Variants in ANKS1B observed in about 807,000 individuals in gnomAD.
The protein encoded by ANKS1B is ankyrin repeat and sterile alpha motif domain containing 1B.
A neutral mutation model predicts 148.3 loss-of-function variants in ANKS1B; 36 were observed. That is an observed-to-expected ratio of 0.24 (90% CI 0.19 to 0.32). The LOEUF is 0.32. ANKS1B is among the 10% of genes least tolerant of loss of function. ANKS1B has a pLI of 1.00. For missense variants in ANKS1B, 1,157 were observed against 1,542.6 expected (o/e 0.75, Z 4.19); for synonymous variants, 542 against 560.8 (o/e 0.97, Z 0.47).
intron 1 of ANKS1B, among the ~76,000 whole-genome samples, chr12:99,967,168 AT>A (rs2095494437): frequency 6.6e-6 from 1 of 152,164 alleles, no homozygotes; most frequent in African/African-American, 2.4e-5. Flanking sequence ...GAATATCTAA[AT>A]TATTTATTGC....
At chr12:99,145,590 T>C (rs1381273407) in intron 15 of ANKS1B, among the ~76,000 whole-genome samples, 1 of 152,074 alleles carries the variant, frequency 6.6e-6, no homozygotes, top group African/African-American at 2.4e-5. Flanking sequence ...AAAGCAGACA[T>C]CCTCTTGACA....
At chr12:99,078,891 G>C (rs554132363) in intron 16 of ANKS1B, among the ~76,000 whole-genome samples, 5 of 152,312 alleles carry the variant, frequency 3.3e-5, no homozygotes, top group Admixed American at 1.3e-4. Context: ...GTGTGATTAG[G>C]TAGCAAAAGA....
intron 9 of ANKS1B, among the ~76,000 whole-genome samples, chr12:99,526,314 T>C (rs945654344): frequency 5.9e-5 from 9 of 152,202 alleles, no homozygotes; most frequent in Non-Finnish European, 1.0e-4. Flanking sequence ...TTTAGAACTT[T>C]TGCCATGTTA....
chr12:99,618,622 T>C (rs566393600), intron 9 of ANKS1B, among the ~76,000 whole-genome samples: 1 of 152,132 alleles, frequency 6.6e-6, no homozygotes, highest in African/African-American at 2.4e-5. Context: ...CTGTAACTCA[T>C]CTTTCCACTG....
Position 98,800,988 on chromosome 12 carries a change from G to A in ANKS1B, c.3270+9C>T. 6.2e-7 allele frequency: 1 copy of A among 1,609,694 alleles called. No homozygotes were observed. Among genetic ancestry groups the A allele is most frequent in the South Asian group, 1.1e-5 (1 of 90,090 alleles). On this transcript the variant is annotated intron_variant, in intron 21 of 26. Coordinates refer to ENST00000683438, the MANE Select transcript of ANKS1B (RefSeq NM_001352186.2). The stretch of plus-strand genomic sequence containing the variant: ...CTTAGGCCCAAATACTGAATTGAGG[G>A]TAACTTACAAAAGCTTTGTAATCAC...
intron 12 of ANKS1B, among the ~76,000 whole-genome samples, chr12:99,255,951 T>C (rs184968376): frequency 5.9e-5 from 9 of 152,316 alleles, no homozygotes; most frequent in Admixed American, 5.2e-4. Context: ...TTATGTCAGA[T>C]TAAATTTATT....
intron 17 of ANKS1B, among the ~76,000 whole-genome samples, chr12:98,959,173 A>G (rs993012262): frequency 1.3e-5 from 2 of 152,162 alleles, no homozygotes; most frequent in African/African-American, 4.8e-5. Flanking sequence ...CATGTTAGCA[A>G]TTTTACTGGC....
intron 3 of ANKS1B, among the ~76,000 whole-genome samples, chr12:99,811,171 A>G (rs1438464739): frequency 1.3e-5 from 2 of 151,830 alleles, no homozygotes; most frequent in African/African-American, 4.8e-5. Flanking sequence ...AAAAATATGT[A>G]TTTTTCTTCC....
chr12:99,852,697 G>T (rs1278668414), intron 1 of ANKS1B, among the ~76,000 whole-genome samples: 2 of 152,188 alleles, frequency 1.3e-5, no homozygotes, highest in Non-Finnish European at 2.9e-5. Context: ...AACATATCAG[G>T]AAAGCCAAGA....
chr12:98,917,549 C>T (rs2099796037), intron 17 of ANKS1B, among the ~76,000 whole-genome samples: 1 of 152,142 alleles, frequency 6.6e-6, no homozygotes, highest in Non-Finnish European at 1.5e-5. Flanking sequence ...AAAAACAGTC[C>T]AATTAATACG....
chr12:99,225,949 C>A (rs897916727), intron 14 of ANKS1B, among the ~76,000 whole-genome samples: 1 of 152,234 alleles, frequency 6.6e-6, no homozygotes, highest in Non-Finnish European at 1.5e-5. Flanking sequence ...AACCCTAATA[C>A]ATGGATTATT....
intron 10 of ANKS1B, among the ~76,000 whole-genome samples, chr12:99,459,543 T>C (rs1273520728): frequency 2.0e-5 from 3 of 151,984 alleles, no homozygotes; most frequent in African/African-American, 4.8e-5. Context: ...CTAGAACTGG[T>C]AAATGAATTC....
At chr12:99,657,617 G>A (rs1226343481) in intron 8 of ANKS1B, among the ~76,000 whole-genome samples, 5 of 146,332 alleles carry the variant, frequency 3.4e-5, no homozygotes, top group Non-Finnish European at 5.9e-5. Flanking sequence ...AAAAAATCTT[G>A]GGAAATTTAA....
At chr12:99,894,368 G>A (rs573693853) in intron 1 of ANKS1B, among the ~76,000 whole-genome samples, 4 of 148,988 alleles carry the variant, frequency 2.7e-5, no homozygotes. Flanking sequence ...AATTAGCCAG[G>A]TGTGGTAGTG....
Position 99,209,506 on chromosome 12 carries a change from G to A in ANKS1B, c.2419+34836C>T, listed in dbSNP as rs114522700. Among the ~76,000 whole-genome samples, 545 of 152,250 alleles carry A rather than the reference G, an allele frequency of 3.6e-3. 4 individuals are homozygous for A. Among genetic ancestry groups the A allele is most frequent in the African/African-American group, 0.012 (514 of 41,544 alleles). ...ATATCTGGCTCTGAAAACAAGACCT[G>A]CTCTCTTTCTTAAGCCCTGTAAGAT... is the stretch of plus-strand genomic sequence containing the variant. On this transcript the variant is annotated intron_variant, in intron 14 of 26. Transcript: ENST00000683438.
At chr12:98,759,001 G>A (rs1024753112) in intron 25 of ANKS1B, among the ~76,000 whole-genome samples, 2 of 149,422 alleles carry the variant, frequency 1.3e-5, no homozygotes, top group Non-Finnish European at 1.5e-5. Flanking sequence ...GGCTGGTCTC[G>A]AGCTCCTGGC....
chr12:99,959,054 C>CTT (rs149006911), intron 1 of ANKS1B, among the ~76,000 whole-genome samples: 9 of 121,000 alleles, frequency 7.4e-5, no homozygotes, highest in East Asian at 4.5e-4. Flanking sequence ...AAAGAACATG[C>CTT]TTTTTTTTTT....
chr12:98,912,343 C>T (rs932384120), intron 17 of ANKS1B, among the ~76,000 whole-genome samples: 2 of 152,204 alleles, frequency 1.3e-5, no homozygotes, highest in African/African-American at 4.8e-5. Flanking sequence ...AGAGAAGTAG[C>T]TGCACTGCAC....
intron 14 of ANKS1B, among the ~76,000 whole-genome samples, chr12:99,213,240 C>T (rs1226905872): frequency 6.6e-6 from 1 of 152,188 alleles, no homozygotes; most frequent in African/African-American, 2.4e-5. Context: ...CTTCTCTCTA[C>T]CCAGAGCACA....
Sources: gnomAD v4.1 joint callset for allele counts (sites outside exome capture counted in the v4.1 genomes callset) on GRCh38, gnomAD v4.1.1 for gene constraint, MANE v1.5 for transcripts, NCBI Gene and HGNC (gene_info 2026-07-23, HGNC 2026-07-21) for gene names.